The following SEM1 variants were observed in gnomAD, a reference collection of about 807,000 sequenced individuals.
SEM1 encodes 26S proteasome complex subunit SEM1.
Under a neutral mutation model 12.7 loss-of-function variants are expected in SEM1, and 3 were observed. The observed-to-expected ratio is 0.24, with a 90% confidence interval of 0.11 to 0.61. The LOEUF is 0.61. Among genes scored for constraint, SEM1 ranks in the 20% least tolerant of loss-of-function variants. SEM1 has a pLI of 0.88. For missense variants in SEM1, 59 were observed against 81.3 expected (o/e 0.73, Z 1.06); for synonymous variants, 30 against 27.8 (o/e 1.08, Z -0.25).
chr7:96,490,594 C>T (rs545797299), intron 1 of SEM1, among the ~76,000 whole-genome samples: 30 of 152,080 alleles, frequency 2.0e-4, no homozygotes, highest in South Asian at 8.3e-4. Context: ...AAAATGCCTG[C>T]GATATAAAGC....
At chr7:96,673,438 C>T (rs895013301), downstream of SEM1, 3 of 247,788 alleles carry the variant, frequency 1.2e-5, no homozygotes, top group Non-Finnish European at 2.4e-5. Context: ...AAAGACATGA[C>T]TTTCCACTGA....
intron 2 of SEM1, among the ~76,000 whole-genome samples, chr7:96,571,047 A>G (rs2115980694): frequency 6.8e-6 from 1 of 148,084 alleles, no homozygotes; most frequent in Middle Eastern, 3.5e-3. Flanking sequence ...CCACTTTTTG[A>G]TGGGGTTGTT....
intron 2 of SEM1, among the ~76,000 whole-genome samples, chr7:96,508,562 G>A (rs1803828572): frequency 1.3e-5 from 2 of 152,126 alleles, no homozygotes; most frequent in Admixed American, 1.3e-4. Context: ...TGCCTCTGCT[G>A]TCAGATAATC....
At chr7:96,702,574 CCTA>C (rs1239643367) in intron 1 of SEM1, among the ~76,000 whole-genome samples, 1 of 152,134 alleles carries the variant, frequency 6.6e-6, no homozygotes, top group Non-Finnish European at 1.5e-5. Flanking sequence ...CAAATTATAA[CCTA>C]CTGAGTCAGA....
At chr7:96,502,587 A>G (rs1336001555) in intron 3 of SEM1, among the ~76,000 whole-genome samples, 7 of 152,156 alleles carry the variant, frequency 4.6e-5, no homozygotes, top group Non-Finnish European at 4.4e-5. Context: ...TGTTTATAAT[A>G]CTCCCCAATT....
chr7:96,562,773 T>C (rs1197761300), intron 2 of SEM1, among the ~76,000 whole-genome samples: 1 of 152,178 alleles, frequency 6.6e-6, no homozygotes, highest in East Asian at 1.9e-4. Flanking sequence ...TGGTGCAAGA[T>C]GAGTTTCAGC....
downstream of SEM1, chr7:96,672,844 G>A (rs1390872196): frequency 6.6e-6 from 1 of 152,196 alleles, no homozygotes; most frequent in African/African-American, 2.4e-5. Flanking sequence ...TCAGCTGTAT[G>A]AGAGTAGTAT....
chr7:96,557,191 C>T (rs1468266501), intron 2 of SEM1, among the ~76,000 whole-genome samples: 2 of 151,512 alleles, frequency 1.3e-5, no homozygotes, highest in Non-Finnish European at 1.5e-5. Context: ...TCTCTCAGCT[C>T]GTCAAAGTCA....
At chr7:96,612,230 C>A (rs544491815) in intron 2 of SEM1, among the ~76,000 whole-genome samples, 1 of 152,316 alleles carries the variant, frequency 6.6e-6, no homozygotes, top group South Asian at 2.1e-4. Flanking sequence ...AGACATTGCA[C>A]TGGGTGACTG....
At chr7:96,684,724 G>A (rs775102086), downstream of SEM1, among the ~76,000 whole-genome samples, 21 of 152,082 alleles carry the variant, frequency 1.4e-4, no homozygotes, top group Admixed American at 3.9e-4. Flanking sequence ...GAAGGATAAT[G>A]AAGGGTTCTC....
chr7:96,541,261 G>A (rs1303098533), intron 2 of SEM1, among the ~76,000 whole-genome samples: 1 of 151,386 alleles, frequency 6.6e-6, no homozygotes, highest in Non-Finnish European at 1.5e-5. Context: ...TGCTGTTCTT[G>A]GACTTTTTAG....
intron 1 of SEM1, among the ~76,000 whole-genome samples, chr7:96,495,172 C>T (rs565172317): frequency 1.3e-5 from 2 of 152,192 alleles, no homozygotes; most frequent in South Asian, 4.2e-4. Flanking sequence ...TAAAGACAAC[C>T]AGAATTTTTT....
downstream of SEM1, among the ~76,000 whole-genome samples, chr7:96,668,714 T>C (rs1192362688): frequency 1.3e-5 from 2 of 151,396 alleles, no homozygotes; most frequent in African/African-American, 4.8e-5. Flanking sequence ...AATTTCCTGA[T>C]TGTAACTGGT....
At chr7:96,693,327 G>C (rs1789983328) in intron 2 of SEM1, among the ~76,000 whole-genome samples, 1 of 151,802 alleles carries the variant, frequency 6.6e-6, no homozygotes, top group Admixed American at 6.6e-5. Flanking sequence ...AATAAAATTA[G>C]GAGGGAAAAA....
At chr7:96,504,845 C>T (rs1803694519) in intron 3 of SEM1, among the ~76,000 whole-genome samples, 1 of 151,674 alleles carries the variant, frequency 6.6e-6, no homozygotes, top group Admixed American at 6.6e-5. Flanking sequence ...TGAATTCTCT[C>T]TCCTTTCTTT....
chr7:96,622,262 G>A (rs1280257891), downstream of SEM1: 3 of 96,088 alleles, frequency 3.1e-5, no homozygotes, highest in Non-Finnish European at 5.5e-5. Context: ...AACATAAAAG[G>A]ACATGGAAAA....
downstream of SEM1, chr7:96,687,935 A>AT (rs1789811481): frequency 1.3e-5 from 2 of 152,142 alleles, no homozygotes; most frequent in South Asian, 4.1e-4. Flanking sequence ...AAACAGAAAC[A>AT]TATTTATGCT....
chr7:96,698,252 TG>T (rs779199244), intron 1 of SEM1, among the ~76,000 whole-genome samples: 45 of 150,062 alleles, frequency 3.0e-4, no homozygotes, highest in Non-Finnish European at 5.8e-4. Context: ...TTTGTTGATT[TG>T]GGATTTTTTT....
intron 2 of SEM1, among the ~76,000 whole-genome samples, chr7:96,615,422 T>A (rs1409936160): frequency 6.6e-6 from 1 of 151,876 alleles, no homozygotes; most frequent in Non-Finnish European, 1.5e-5. Flanking sequence ...GCCTGGCTAA[T>A]TTTTGTATTT....
Sources: gnomAD v4.1 joint callset for allele counts (sites outside exome capture counted in the v4.1 genomes callset) on GRCh38, gnomAD v4.1.1 for gene constraint, MANE v1.5 for transcripts, NCBI Gene and HGNC (gene_info 2026-07-23, HGNC 2026-07-21) for gene names.